MARCHF1: variants seen among roughly 807,000 people sequenced by gnomAD.
MARCHF1 encodes E3 ubiquitin-protein ligase MARCHF1.
MARCHF1 carries 40 observed loss-of-function variants against 54.2 expected under a neutral mutation model. The ratio of observed to expected loss-of-function variants is 0.74; its 90% CI spans 0.57 to 0.96. MARCHF1 has a LOEUF of 0.96. MARCHF1 is among the 40% of genes least tolerant of loss of function. The pLI, the probability that MARCHF1 is intolerant of heterozygous loss-of-function variation, is 0.00. For synonymous variants in MARCHF1, 236 were observed against 236.3 expected (o/e 1.00, Z 0.01); for missense variants, 586 against 656.5 (o/e 0.89, Z 1.17).
At chr4:163,797,872 CTTG>C (rs1452184011) in intron 4 of MARCHF1, among the ~76,000 whole-genome samples, 1 of 152,034 alleles carries the variant, frequency 6.6e-6, no homozygotes, top group African/African-American at 2.4e-5. Flanking sequence ...TTTCTTTTCT[CTTG>C]TTTTCTGCTC....
chr4:163,562,715 T>G (rs1739511580), intron 8 of MARCHF1, among the ~76,000 whole-genome samples: 2 of 152,182 alleles, frequency 1.3e-5, no homozygotes, highest in African/African-American at 4.8e-5. Context: ...GATTTACCAC[T>G]CATCTGGTTG....
intron 4 of MARCHF1, among the ~76,000 whole-genome samples, chr4:163,763,666 A>G (rs1746894937): frequency 6.6e-6 from 1 of 152,104 alleles, no homozygotes; most frequent in African/African-American, 2.4e-5. Context: ...CACACGCTGC[A>G]TATCATTTGA....
intron 1 of MARCHF1, among the ~76,000 whole-genome samples, chr4:164,113,951 C>A (rs1257476855): frequency 6.6e-6 from 1 of 151,798 alleles, no homozygotes; most frequent in East Asian, 1.9e-4. Context: ...AGGAGACTTG[C>A]ATATTTATTA....
At chr4:163,835,286 A>G (rs1749148585) in intron 4 of MARCHF1, among the ~76,000 whole-genome samples, 1 of 152,240 alleles carries the variant, frequency 6.6e-6, no homozygotes, top group East Asian at 1.9e-4. Context: ...GAAATGGATA[A>G]GACCACATTC....
chr4:164,120,141 T>C (rs1028897907), intron 1 of MARCHF1, among the ~76,000 whole-genome samples: 2 of 151,996 alleles, frequency 1.3e-5, no homozygotes, highest in Non-Finnish European at 2.9e-5. Context: ...AAGGGATAGA[T>C]ACAGATATTC....
rs1314185951 is a variant in MARCHF1, at chr4:163,733,195, A to ACACACATG, written c.112-32333_112-32332insCATGTGTG. Among the ~76,000 whole-genome samples, 184 of 26,348 alleles carry ACACACATG rather than the reference A, an allele frequency of 7.0e-3. 24 individuals carry two copies. The highest frequency in any genetic ancestry group is 0.011 in the East Asian group (8 of 754). The allele number at this position is 26,348 out of a possible 152,430, so 17.3% of individuals were successfully genotyped here. Reference sequence around the variant, plus strand: ...TATGTGTGTATATATATATATATATATATATATATATATATATATATATAT... The same window carrying ACACACATG: ...TATGTGTGTATATATATATATATATACACACATGTATATATATATATATATATATATAT... On this transcript the variant is annotated intron_variant, in intron 4 of 9. Transcript: ENST00000514618.
At position 163,526,467 on chromosome 4, in the gene MARCHF1, A is replaced by T. The variant is rs992027373; in HGVS notation, c.*2281T>A. The T allele has an allele frequency of 5.9e-5, 9 of 152,114 alleles. No individual in the cohort carries two copies. The highest frequency in any genetic ancestry group is 1.2e-4 in the Non-Finnish European group (8 of 67,974). 9.4% of individuals were successfully genotyped at this position (152,114 alleles called of 1,614,324 possible). ...AGCAGCATGTTGCCATTACTAACCC[A>T]CAGGGAAAATGGATTAGTAAAAAGC... On this transcript the variant is annotated 3_prime_UTR_variant, in exon 10 of 10. Transcript: ENST00000514618.
intron 1 of MARCHF1, among the ~76,000 whole-genome samples, chr4:164,244,331 A>G (rs1560971158): frequency 1.3e-5 from 2 of 152,186 alleles, no homozygotes; most frequent in Non-Finnish European, 2.9e-5. Flanking sequence ...CTACATGGAA[A>G]CTGAACAACC....
chr4:164,240,546 T>C (rs746424097), intron 1 of MARCHF1, among the ~76,000 whole-genome samples: 1 of 152,022 alleles, frequency 6.6e-6, no homozygotes, highest in Non-Finnish European at 1.5e-5. Context: ...CTGTCTCTTC[T>C]TCCTCTGCTT....
intron 2 of MARCHF1, among the ~76,000 whole-genome samples, chr4:164,022,746 T>C (rs980891664): frequency 6.6e-6 from 1 of 152,176 alleles, no homozygotes; most frequent in Non-Finnish European, 1.5e-5. Flanking sequence ...GTATCTCTAG[T>C]CCCAGCTGAC....
intron 8 of MARCHF1, among the ~76,000 whole-genome samples, chr4:163,547,531 A>G (rs1738950954): frequency 6.6e-6 from 1 of 152,196 alleles, no homozygotes; most frequent in African/African-American, 2.4e-5. Context: ...AATCTTGAGG[A>G]AAAATCTTGA....
intron 1 of MARCHF1, among the ~76,000 whole-genome samples, chr4:164,335,473 T>A (rs1424779212): frequency 6.6e-6 from 1 of 151,578 alleles, no homozygotes; most frequent in African/African-American, 2.4e-5. Flanking sequence ...TCCCAGCTAC[T>A]CAGGAGGCTG....
At chr4:163,668,045 A>G (rs921004222) in intron 5 of MARCHF1, among the ~76,000 whole-genome samples, 1 of 152,170 alleles carries the variant, frequency 6.6e-6, no homozygotes, top group Admixed American at 6.5e-5. Context: ...TCTGCCAGCT[A>G]TTTCTCATTA....
intron 2 of MARCHF1, among the ~76,000 whole-genome samples, chr4:164,035,271 C>T (rs997056473): frequency 2.0e-5 from 3 of 151,972 alleles, no homozygotes; most frequent in Admixed American, 6.6e-5. Context: ...TAAGTCATTA[C>T]TCTATACCCA....
intron 1 of MARCHF1, among the ~76,000 whole-genome samples, chr4:164,331,929 T>C (rs1735444143): frequency 6.6e-6 from 1 of 152,226 alleles, no homozygotes. Flanking sequence ...TGTATAGTCC[T>C]AGTCCCAACG....
intron 1 of MARCHF1, among the ~76,000 whole-genome samples, chr4:164,336,139 C>T (rs1213074665): frequency 6.6e-6 from 1 of 152,054 alleles, no homozygotes; most frequent in Non-Finnish European, 1.5e-5. Flanking sequence ...TCTAACCAGA[C>T]CACCAAGGGG....
At chr4:164,381,345 A>G (rs1731364608) in intron 1 of MARCHF1, among the ~76,000 whole-genome samples, 1 of 152,234 alleles carries the variant, frequency 6.6e-6, no homozygotes, top group Non-Finnish European at 1.5e-5. Flanking sequence ...TAGCTATCAA[A>G]TAAGTCAAAT....
intron 1 of MARCHF1, among the ~76,000 whole-genome samples, chr4:164,274,860 T>C (rs1733837424): frequency 6.6e-6 from 1 of 150,798 alleles, no homozygotes; most frequent in Non-Finnish European, 1.5e-5. Context: ...GTATTTTTAG[T>C]AGAGACGGGG....
chr4:164,208,265 G>T (rs980750088), intron 1 of MARCHF1, among the ~76,000 whole-genome samples: 2 of 152,198 alleles, frequency 1.3e-5, no homozygotes, highest in Admixed American at 1.3e-4. Flanking sequence ...TATTTGAAGG[G>T]TTTGATGGAA....
Sources: gnomAD v4.1 joint callset for allele counts (sites outside exome capture counted in the v4.1 genomes callset) on GRCh38, gnomAD v4.1.1 for gene constraint, MANE v1.5 for transcripts, NCBI Gene and HGNC (gene_info 2026-07-23, HGNC 2026-07-21) for gene names.